PCSK2: variants seen among roughly 807,000 people sequenced by gnomAD.
PCSK2 encodes the protein proprotein convertase subtilisin/kexin type 2.
In PCSK2, 14 loss-of-function variants were observed where a neutral mutation model predicts 69.7. The ratio of observed to expected loss-of-function variants is 0.20; its 90% CI spans 0.13 to 0.31. The LOEUF (loss-of-function observed/expected upper bound fraction) is 0.31, where lower values mean the gene tolerates loss of function less well. PCSK2 is among the 10% of genes least tolerant of loss of function. The pLI, the probability that PCSK2 is intolerant of heterozygous loss-of-function variation, is 1.00. For synonymous variants in PCSK2, 307 were observed against 320.7 expected (o/e 0.96, Z 0.46); for missense variants, 544 against 842.5 (o/e 0.65, Z 4.39).
intron 8 of PCSK2, among the ~76,000 whole-genome samples, chr20:17,444,832 T>C (rs1004233831): frequency 1.3e-5 from 2 of 152,208 alleles, no homozygotes; most frequent in African/African-American, 4.8e-5. Flanking sequence ...TCCCACCCTG[T>C]GGGAAAGGAG....
intron 5 of PCSK2, among the ~76,000 whole-genome samples, chr20:17,402,842 A>G (rs1231616966): frequency 1.3e-5 from 2 of 152,082 alleles, no homozygotes; most frequent in Non-Finnish European, 2.9e-5. Context: ...CTGTAGTCCC[A>G]GCTACTCGGG....
At chr20:17,479,036 C>A (rs1271531632) in intron 11 of PCSK2, 1 of 1,035,470 alleles carries the variant, frequency 9.7e-7, no homozygotes, top group Non-Finnish European at 1.5e-6. Context: ...TGAAAGGATA[C>A]ACTGACAAAT....
intron 5 of PCSK2, among the ~76,000 whole-genome samples, chr20:17,370,341 T>C (rs1370162172): frequency 6.6e-6 from 1 of 152,140 alleles, no homozygotes; most frequent in Non-Finnish European, 1.5e-5. Context: ...GTCTCTACGT[T>C]GCACAAAGAA....
intron 2 of PCSK2, among the ~76,000 whole-genome samples, chr20:17,285,331 T>G (rs1206530747): frequency 6.6e-6 from 1 of 152,214 alleles, no homozygotes; most frequent in Non-Finnish European, 1.5e-5. Flanking sequence ...TTATTTTGTG[T>G]AAGGAATACA....
intron 6 of PCSK2, among the ~76,000 whole-genome samples, chr20:17,422,782 A>G (rs1206290392): frequency 6.6e-6 from 1 of 152,194 alleles, no homozygotes; most frequent in Admixed American, 6.5e-5. Context: ...GCATACAGAG[A>G]GACAAAAAGA....
At chr20:17,347,278 G>C (rs757766357) in intron 2 of PCSK2, among the ~76,000 whole-genome samples, 9 of 152,194 alleles carry the variant, frequency 5.9e-5, no homozygotes, top group Admixed American at 3.9e-4. Flanking sequence ...CCTGTCTGCT[G>C]CCTGCTCCCT....
intron 1 of PCSK2, among the ~76,000 whole-genome samples, chr20:17,238,293 A>AG (rs1805868153): frequency 2.6e-5 from 1 of 38,854 alleles, no homozygotes. Flanking sequence ...TTGTCAGACC[A>AG]CTGGAGATTG....
At chr20:17,260,833 G>T (rs927277655) in intron 2 of PCSK2, among the ~76,000 whole-genome samples, 1 of 152,176 alleles carries the variant, frequency 6.6e-6, no homozygotes, top group African/African-American at 2.4e-5. Context: ...CATGACTGTG[G>T]CCATGAGACT....
chr20:17,332,998 A>T (rs934022242), intron 2 of PCSK2, among the ~76,000 whole-genome samples: 5 of 152,204 alleles, frequency 3.3e-5, no homozygotes, highest in Non-Finnish European at 7.3e-5. Context: ...CATAAAGAAC[A>T]TCATTGGGAC....
chr20:17,384,580 CAACAAGAGTGA>C (rs1204903311), intron 5 of PCSK2, among the ~76,000 whole-genome samples: 4 of 151,972 alleles, frequency 2.6e-5, no homozygotes, highest in Non-Finnish European at 2.9e-5. Flanking sequence ...CCAGCCTCCC[CAACAAGAGTGA>C]AACTCTGTCT....
chr20:17,418,870 G>A (rs2032060222), intron 6 of PCSK2, among the ~76,000 whole-genome samples: 1 of 152,220 alleles, frequency 6.6e-6, no homozygotes, highest in Non-Finnish European at 1.5e-5. Context: ...CTGACATGCT[G>A]AGCAGCGATA....
intron 2 of PCSK2, among the ~76,000 whole-genome samples, chr20:17,276,635 T>G (rs1284043333): frequency 1.3e-5 from 2 of 152,120 alleles, no homozygotes; most frequent in African/African-American, 4.8e-5. Flanking sequence ...CAAACAGCTT[T>G]TTGTTTCCCT....
At chr20:17,342,749 A>C (rs1232709766) in intron 2 of PCSK2, among the ~76,000 whole-genome samples, 1 of 151,744 alleles carries the variant, frequency 6.6e-6, no homozygotes, top group Non-Finnish European at 1.5e-5. Context: ...TCCCCACCTC[A>C]GCCTCTCAAG....
At chr20:17,411,839 T>C (rs529659582) in intron 6 of PCSK2, among the ~76,000 whole-genome samples, 1 of 152,326 alleles carries the variant, frequency 6.6e-6, no homozygotes, top group South Asian at 2.1e-4. Flanking sequence ...GGCAGCAATA[T>C]TTGCTGTTCT....
At chr20:17,331,240 T>C (rs1990197789) in intron 2 of PCSK2, among the ~76,000 whole-genome samples, 1 of 152,194 alleles carries the variant, frequency 6.6e-6, no homozygotes, top group African/African-American at 2.4e-5. Context: ...CTTCATAAAG[T>C]ATGTAAAAGA....
At chr20:17,355,648 C>CG in intron 2 of PCSK2, among the ~76,000 whole-genome samples, 1 of 74,764 alleles carries the variant, frequency 1.3e-5, no homozygotes, top group South Asian at 6.6e-4. Context: ...TGTGTGCACG[C>CG]AAACACACAC....
chr20:17,364,056 G>A (rs1012462225), intron 4 of PCSK2, among the ~76,000 whole-genome samples: 1 of 151,880 alleles, frequency 6.6e-6, no homozygotes, highest in Non-Finnish European at 1.5e-5. Context: ...GTTAATGGGT[G>A]CAGCACACCA....
chr20:17,363,022 G>T (rs1331750800), intron 4 of PCSK2, among the ~76,000 whole-genome samples: 1 of 152,216 alleles, frequency 6.6e-6, no homozygotes, highest in Non-Finnish European at 1.5e-5. Context: ...TGAATGGTAT[G>T]GTGCCATGTC....
At chr20:17,415,578 A>G (rs902875830) in intron 6 of PCSK2, among the ~76,000 whole-genome samples, 1 of 152,244 alleles carries the variant, frequency 6.6e-6, no homozygotes, top group Non-Finnish European at 1.5e-5. Context: ...GATAGGAAGA[A>G]TGAATATCAT....
Sources: gnomAD v4.1 joint callset for allele counts (sites outside exome capture counted in the v4.1 genomes callset) on GRCh38, gnomAD v4.1.1 for gene constraint, MANE v1.5 for transcripts, NCBI Gene and HGNC (gene_info 2026-07-23, HGNC 2026-07-21) for gene names.